The following RBFOX1 variants were observed in gnomAD, a reference collection of about 807,000 sequenced individuals.
RBFOX1 encodes the protein RNA binding fox-1 homolog 1.
A neutral mutation model predicts 57.7 loss-of-function variants in RBFOX1; 8 were observed. The ratio of observed to expected loss-of-function variants is 0.14; its 90% CI spans 0.08 to 0.25. RBFOX1 has a LOEUF of 0.25. Among genes scored for constraint, RBFOX1 ranks in the 10% least tolerant of loss-of-function variants. The probability of loss-of-function intolerance (pLI) is 1.00; values close to 1 mark genes in which losing one functional copy is unlikely to be tolerated. For synonymous variants in RBFOX1, 326 were observed against 222.4 expected (o/e 1.47, Z -4.15); for missense variants, 611 against 548.5 (o/e 1.11, Z -1.14).
At chr16:5,433,581 G>C (rs1243294314) in intron 1 of RBFOX1, among the ~76,000 whole-genome samples, 3 of 152,172 alleles carry the variant, frequency 2.0e-5, no homozygotes, top group East Asian at 3.8e-4. Context: ...GGGACACAAA[G>C]AGATTTTAAA....
chr16:6,908,386 C>T (rs1347870953), intron 3 of RBFOX1, among the ~76,000 whole-genome samples: 4 of 146,248 alleles, frequency 2.7e-5, no homozygotes, highest in East Asian at 1.9e-4. Flanking sequence ...GTCTGTCTGC[C>T]TGCCTTCTCT....
At chr16:5,349,127 C>T (rs551217218) in intron 1 of RBFOX1, among the ~76,000 whole-genome samples, 3 of 152,146 alleles carry the variant, frequency 2.0e-5, no homozygotes, top group Non-Finnish European at 4.4e-5. Flanking sequence ...AAAGAAATCC[C>T]GACATATGCA....
chr16:6,207,369 C>G (rs1285727914), intron 1 of RBFOX1, among the ~76,000 whole-genome samples: 1 of 152,190 alleles, frequency 6.6e-6, no homozygotes, highest in Non-Finnish European at 1.5e-5. Flanking sequence ...GGTTGCTGCA[C>G]TCATTTATCT....
At chr16:7,586,931 A>G (rs2094157811) in intron 6 of RBFOX1, among the ~76,000 whole-genome samples, 1 of 152,364 alleles carries the variant, frequency 6.6e-6, no homozygotes, top group East Asian at 1.9e-4. Flanking sequence ...GGATCATTGT[A>G]TGTACATACT....
intron 4 of RBFOX1, among the ~76,000 whole-genome samples, chr16:7,066,009 A>G (rs1313271286): frequency 2.6e-5 from 4 of 152,018 alleles, no homozygotes; most frequent in African/African-American, 4.8e-5. Flanking sequence ...AAAAAAAACT[A>G]TTACCAATTG....
intron 2 of RBFOX1, among the ~76,000 whole-genome samples, chr16:6,613,417 A>G (rs1326570234): frequency 6.6e-6 from 1 of 152,098 alleles, no homozygotes; most frequent in Non-Finnish European, 1.5e-5. Context: ...ATTTCTGTAT[A>G]CGGTGTGGTG....
chr16:6,316,883 T>C, intron 1 of RBFOX1, 112 bp from the exon 2 acceptor site: 1 of 713,268 alleles, frequency 1.4e-6, no homozygotes, highest in Non-Finnish European at 2.3e-6. Flanking sequence ...ATTCACAATA[T>C]AGTCAGAACC....
At position 7,126,329 on chromosome 16, in the gene RBFOX1, C is replaced by T. The variant is rs867014793; in HGVS notation, c.27+74231C>T. The stretch of plus-strand genomic sequence containing the variant: ...TTGGTGGGGGTCATGGGGCAGCACC[C>T]GCAGGTCTAAATCGAGGTGGGGGTT... On this transcript the variant is annotated intron_variant, in intron 4 of 15. Coordinates refer to ENST00000550418, the MANE Select transcript of RBFOX1 (RefSeq NM_018723.4). The T allele has an allele frequency of 1.2e-4, 36 of 291,630 alleles. No homozygotes were observed. In the Middle Eastern group the frequency reaches 4.2e-3, roughly 34 times the overall value. 18.1% of individuals were successfully genotyped at this position (291,630 alleles called of 1,614,324 possible).
chr16:6,649,799 A>G (rs1602696462), intron 2 of RBFOX1, among the ~76,000 whole-genome samples: 1 of 152,134 alleles, frequency 6.6e-6, no homozygotes, highest in East Asian at 1.9e-4. Flanking sequence ...ATATGTAAGT[A>G]TATGCATGTA....
intron 3 of RBFOX1, among the ~76,000 whole-genome samples, chr16:5,678,996 A>C (rs931992353): frequency 1.3e-5 from 2 of 152,234 alleles, no homozygotes; most frequent in Non-Finnish European, 2.9e-5. Context: ...ATGGAAGGCT[A>C]AGATGCAAAA....
At chr16:7,351,917 C>G (rs1242123943) in intron 4 of RBFOX1, among the ~76,000 whole-genome samples, 1 of 152,146 alleles carries the variant, frequency 6.6e-6, no homozygotes, top group Non-Finnish European at 1.5e-5. Context: ...AACCCCAACC[C>G]CAGGAAAAGC....
chr16:6,962,220 G>A (rs1243119311), intron 3 of RBFOX1, among the ~76,000 whole-genome samples: 2 of 152,094 alleles, frequency 1.3e-5, no homozygotes, highest in East Asian at 1.9e-4. Flanking sequence ...TTTGCACATG[G>A]CCTTCTTTCC....
At chr16:6,149,267 T>C (rs541878527) in intron 1 of RBFOX1, among the ~76,000 whole-genome samples, 4 of 152,200 alleles carry the variant, frequency 2.6e-5, no homozygotes, top group Non-Finnish European at 5.9e-5. Flanking sequence ...AGCCAGTAAA[T>C]AGACGAGGTG....
intron 4 of RBFOX1, among the ~76,000 whole-genome samples, chr16:7,355,446 C>G (rs752332491): frequency 3.3e-5 from 5 of 152,270 alleles, no homozygotes; most frequent in South Asian, 4.2e-4. Context: ...TACCTGCTAA[C>G]GATTTGGAGT....
intron 1 of RBFOX1, among the ~76,000 whole-genome samples, chr16:6,098,706 C>T (rs555555773): frequency 1.2e-4 from 18 of 152,308 alleles, no homozygotes; most frequent in South Asian, 1.0e-3. Context: ...ACCCTTACTA[C>T]GGGTACAGAT....
chr16:5,865,839 C>T (rs981412271), intron 3 of RBFOX1, among the ~76,000 whole-genome samples: 2 of 152,044 alleles, frequency 1.3e-5, no homozygotes, highest in African/African-American at 2.4e-5. Context: ...AGGGTCTGCT[C>T]ATTGGGTTGT....
intron 2 of RBFOX1, among the ~76,000 whole-genome samples, chr16:6,452,529 T>G (rs1419285577): frequency 6.6e-6 from 1 of 152,190 alleles, no homozygotes; most frequent in African/African-American, 2.4e-5. Flanking sequence ...AAAAAGACCC[T>G]CTGAGAAGCA....
chr16:7,079,494 C>T (rs1598894511), intron 4 of RBFOX1, among the ~76,000 whole-genome samples: 1 of 152,196 alleles, frequency 6.6e-6, no homozygotes, highest in Admixed American at 6.5e-5. Context: ...AGCTATTCAG[C>T]AACTCACAGT....
At chr16:5,902,419 T>C (rs1461459772) in intron 4 of RBFOX1, among the ~76,000 whole-genome samples, 2 of 152,134 alleles carry the variant, frequency 1.3e-5, no homozygotes, top group Non-Finnish European at 2.9e-5. Flanking sequence ...AATTTATTTT[T>C]ATTTTTATTT....
Sources: allele counts gnomAD v4.1 joint callset (sites outside exome capture counted in the v4.1 genomes callset), GRCh38; gene constraint gnomAD v4.1.1; transcripts MANE v1.5; gene names NCBI Gene and HGNC (gene_info 2026-07-23, HGNC 2026-07-21).